The following DYNC2H1 variants were observed in gnomAD, a reference collection of about 807,000 sequenced individuals.
DYNC2H1 encodes the protein cytoplasmic dynein 2 heavy chain 1.
DYNC2H1 carries 410 observed loss-of-function variants against 570.0 expected under a neutral mutation model. The observed-to-expected ratio is 0.72, with a 90% CI of 0.66 to 0.78. The LOEUF is 0.78. Ranked by LOEUF, DYNC2H1 falls within the 30% of genes least tolerant of loss-of-function variation. The pLI is 0.00. For synonymous variants in DYNC2H1, 1,688 were observed against 1,677.6 expected (o/e 1.01, Z -0.15); for missense variants, 4,865 against 5,046.4 (o/e 0.96, Z 1.09).
Position 103,184,923 on chromosome 11 carries a change from G to T in DYNC2H1, c.6505G>T (p.Val2169Phe). The change falls in exon 41 of 89, where the codon GTT (valine) becomes TTT (phenylalanine). Residue 2169 changes from valine to phenylalanine, a missense_variant. Transcript: ENST00000375735. ...TGACTATGTGGTAGAAACAAGTTTGGTTGGGACTGTGATGAATGGTTTGTC... is the reference window on the plus strand; with the variant it reads ...TGACTATGTGGTAGAAACAAGTTTGTTTGGGACTGTGATGAATGGTTTGTC... ...QNDYVVETSL[V>F]GTVMNGLSHL... The T allele has an allele frequency of 6.2e-7, 1 of 1,610,824 alleles. No homozygotes were observed. Among genetic ancestry groups the T allele is most frequent in the Non-Finnish European group, 8.5e-7 (1 of 1,177,798 alleles).
rs1424723729 is a variant in DYNC2H1 at position 103,203,753 on chromosome 11, C to A, written c.8288C>A (p.Pro2763Gln). ...DQASQDGFFG[P>Q]VFNYFTYRIQ... is the part of the protein sequence containing the mutation. ...GCTTCACAAGATGGTTTTTTTGGAC[C>A]AGTCTTCAATTACTTCACATATAGT... is the stretch of plus-strand genomic sequence containing the variant. Residue 2763 changes from proline (P) to glutamine (Q), a missense_variant, in exon 51 of 89, where the codon CCA (proline) becomes CAA (glutamine). By Grantham distance (76) the Pro-to-Gln change is moderately conservative. Coordinates refer to ENST00000375735, the MANE Select transcript of DYNC2H1 (RefSeq NM_001377.3). This position sits in a 1 kb window ranked among gnomAD's most constrained non-coding sequence, Gnocchi z 4.7. 6.2e-7 allele frequency: 1 copy of A among 1,609,850 alleles called. No homozygotes were observed. The highest frequency in any genetic ancestry group is 8.5e-7 in the Non-Finnish European group (1 of 1,178,052).
rs552329056 is a variant in DYNC2H1, at chr11:103,315,451, T to C, written c.11650-1094T>C. On this transcript the variant is annotated intron_variant, in intron 79 of 88. Transcript: ENST00000375735. Reference sequence around the variant, plus strand: ...TTGTATTCTTTCAGTGTTTCACTTATTAAGAATGACATCATCCATCATCAA... The same window carrying C: ...TTGTATTCTTTCAGTGTTTCACTTACTAAGAATGACATCATCCATCATCAA... Among the ~76,000 whole-genome samples the C allele has an allele frequency of 2.5e-3, 383 of 152,250 alleles. 1 individual carries two copies. Among genetic ancestry groups the C allele is most frequent in the South Asian group, 0.016 (78 of 4,826 alleles).
rs1938402584 is a variant in DYNC2H1, at chr11:103,325,059, G to A, written c.12039+1069G>A. Among the ~76,000 whole-genome samples, 1 of 152,034 alleles carries A rather than the reference G, an allele frequency of 6.6e-6. No homozygotes were observed. Among genetic ancestry groups the A allele is most frequent in the Non-Finnish European group, 1.5e-5 (1 of 67,968 alleles). On this transcript the variant is annotated intron_variant, in intron 82 of 88. Transcript: ENST00000375735. The surrounding 1 kb of genome is among the most constrained non-coding windows in gnomAD (Gnocchi z 4.8). ...TTTTTGCCCACTTTTTAATGGGCTT[G>A]TTTGTTTTTTGCTTGTTAATTTCTT...
rs755764054 is a variant in DYNC2H1, at chr11:103,122,914, C to G, written c.1575C>G (p.Asp525Glu). The change falls in exon 11 of 89, where the codon GAC (aspartate) becomes GAG (glutamate). Residue 525 changes from aspartate to glutamate, a missense_variant. This residue lies in a region of DYNC2H1 where 1,936 missense variants were observed against 1,962.1 expected (regional missense o/e 0.99). Coordinates refer to ENST00000375735, the MANE Select transcript of DYNC2H1 (RefSeq NM_001377.3). ...ATCAAAGTGCCAAAGATCTCTTAGACCAGCTTAAACTATATGAACAGGAAC... is the reference window on the plus strand; with the variant it reads ...ATCAAAGTGCCAAAGATCTCTTAGAGCAGCTTAAACTATATGAACAGGAAC... ...CFHQSAKDLL[D>E]QLKLYEQEQF... 6 of 1,612,550 alleles carry G rather than the reference C, an allele frequency of 3.7e-6. No homozygotes were observed. The highest frequency in any genetic ancestry group is 3.4e-6 in the Non-Finnish European group (4 of 1,179,212).
At chr11:103,309,387 G>T (rs1394032541) in intron 78 of DYNC2H1, among the ~76,000 whole-genome samples, 2 of 148,212 alleles carry the variant, frequency 1.3e-5, no homozygotes, top group Non-Finnish European at 3.0e-5. Context: ...GAGAGACGAG[G>T]CCTAACTATG....
intron 47 of DYNC2H1, among the ~76,000 whole-genome samples, chr11:103,196,022 T>G (rs1862495542): frequency 6.6e-6 from 1 of 152,174 alleles, no homozygotes; most frequent in African/African-American, 2.4e-5. Context: ...GAGTATATAG[T>G]GCAGAGAGAG....
At chr11:103,134,617 A>T (rs1859445508) in intron 15 of DYNC2H1, among the ~76,000 whole-genome samples, 198 bp downstream of exon 15, 1 of 152,146 alleles carries the variant, frequency 6.6e-6, no homozygotes, top group South Asian at 2.1e-4. Flanking sequence ...AAAATATAAA[A>T]ATAAGTTCCT....
rs544611009 is a variant in DYNC2H1, at chr11:103,207,389, A to T, written c.8454+2425A>T. On this transcript the variant is annotated intron_variant, in intron 52 of 88. Transcript: ENST00000375735. ...CACAGCAAATGGATCTAGTGTACAA[A>T]TGGAAGAATTAAGGATCGGCATTTC... Among the ~76,000 whole-genome samples the T allele has an allele frequency of 4.4e-4, 67 of 152,256 alleles. 1 individual carries two copies. Among genetic ancestry groups the T allele is most frequent in the African/African-American group, 1.5e-3 (64 of 41,560 alleles).
chr11:103,469,720 A>G (rs1040948771), intron 88 of DYNC2H1, among the ~76,000 whole-genome samples: 4 of 152,180 alleles, frequency 2.6e-5, no homozygotes, highest in Non-Finnish European at 4.4e-5. Context: ...TAGAGTGACT[A>G]TAAGATAAAG....
intron 17 of DYNC2H1, among the ~76,000 whole-genome samples, chr11:103,138,942 G>A (rs1279810476): frequency 1.3e-5 from 2 of 151,848 alleles, no homozygotes; most frequent in African/African-American, 4.8e-5. Flanking sequence ...TTAGTCTTGG[G>A]AGGGTGTATG....
chr11:103,284,503 A>G (rs1271393419), intron 73 of DYNC2H1, among the ~76,000 whole-genome samples: 1 of 152,078 alleles, frequency 6.6e-6, no homozygotes, highest in Non-Finnish European at 1.5e-5. Flanking sequence ...GACAGTATAC[A>G]AGGTAGCCAA....
intron 67 of DYNC2H1, among the ~76,000 whole-genome samples, 179 bp from the exon 68 acceptor site, chr11:103,255,927 A>T (rs956202054): frequency 1.3e-5 from 2 of 152,098 alleles, no homozygotes; most frequent in Non-Finnish European, 2.9e-5. Flanking sequence ...AATTCATTTG[A>T]TATAAGAAGA....
At chr11:103,438,359 C>T (rs555857316) in intron 85 of DYNC2H1, among the ~76,000 whole-genome samples, 54 of 152,172 alleles carry the variant, frequency 3.5e-4, no homozygotes, top group African/African-American at 1.3e-3. Context: ...TCCAGAGCAG[C>T]TTGTGATACT....
intron 84 of DYNC2H1, among the ~76,000 whole-genome samples, chr11:103,426,801 G>C (rs1255585251): frequency 6.6e-6 from 1 of 152,164 alleles, no homozygotes; most frequent in South Asian, 2.1e-4. Flanking sequence ...TTAATGCGCA[G>C]AAATTAGTGC....
At chr11:103,431,542 A>T (rs913857247) in intron 84 of DYNC2H1, among the ~76,000 whole-genome samples, 1 of 152,132 alleles carries the variant, frequency 6.6e-6, no homozygotes, top group African/African-American at 2.4e-5. Context: ...TGCAAAAGTA[A>T]TTGCAGTTTT....
In DYNC2H1 at chr11:103,151,685, G is replaced by A. The variant is rs1162090264; in HGVS notation, c.2947-451G>A. ...ACTTCTTTAGTTGTCTGTTTCTTAA[G>A]TACCTTTTTTCATGACTTTCCTTCT... is the stretch of plus-strand genomic sequence containing the variant. On this transcript the variant is annotated intron_variant, in intron 20 of 88. Transcript: ENST00000375735. The surrounding 1 kb of genome is among the most constrained non-coding windows in gnomAD (Gnocchi z 4.6). Among the ~76,000 whole-genome samples, 1 of 152,114 alleles carries A rather than the reference G, an allele frequency of 6.6e-6. No homozygotes were observed. Among genetic ancestry groups the A allele is most frequent in the African/African-American group, 2.4e-5 (1 of 41,430 alleles).
rs759616491 is a variant in DYNC2H1, at chr11:103,181,870, A to G, written c.6461A>G (p.Gln2154Arg). The G allele has an allele frequency of 6.2e-7, 1 of 1,605,660 alleles. No individual in the cohort carries two copies. The highest frequency in any genetic ancestry group is 8.5e-7 in the Non-Finnish European group (1 of 1,175,134). ...GGAGATTATTTTGAAAAGGCTTTAC[A>G]ATGGGTTCTAAAGCAGGTAAATTAA... ...WIGDYFEKALQWVLKQNDYVV... is the reference protein window; with the variant it reads ...WIGDYFEKALRWVLKQNDYVV... Residue 2154 changes from glutamine (Q) to arginine (R), a missense_variant, in exon 40 of 89, where the codon CAA (glutamine) becomes CGA (arginine). Gln to Arg is a conservative substitution (Grantham distance 43, BLOSUM62 1). This residue lies in a region of DYNC2H1 where 231 missense variants were observed against 310.3 expected (regional missense o/e 0.74). Transcript: ENST00000375735. This position sits in a 1 kb window ranked among gnomAD's most constrained non-coding sequence, Gnocchi z 5.0.
chr11:103,116,677 T>C lies in DYNC2H1; in HGVS notation c.729T>C (p.Tyr243=). The C allele has an allele frequency of 6.2e-7, 1 of 1,606,062 alleles. No individual in the cohort carries two copies. The highest frequency in any genetic ancestry group is 8.5e-7 in the Non-Finnish European group (1 of 1,175,538). ...DVWRQTEHDH[Y]PESRMLHLLD... Reference sequence around the variant, plus strand: ...GGAGACAAACAGAACATGATCATTATCCTGAGTCACGAATGTTGCATCTCT... The same window carrying C: ...GGAGACAAACAGAACATGATCATTACCCTGAGTCACGAATGTTGCATCTCT... The change falls in exon 5 of 89, where the codon TAT becomes TAC. Residue 243 remains tyrosine (Y), a synonymous_variant. Coordinates refer to ENST00000375735, the MANE Select transcript of DYNC2H1 (RefSeq NM_001377.3).
chr11:103,404,844 A>T (rs945568820), intron 84 of DYNC2H1: 7 of 151,842 alleles, frequency 4.6e-5, no homozygotes, highest in African/African-American at 1.7e-4. Context: ...ATATTGCAGG[A>T]GATCATTTGA....
Sources: gnomAD v4.1 joint callset for allele counts (sites outside exome capture counted in the v4.1 genomes callset) on GRCh38, gnomAD v4.1.1 for gene constraint, gnomAD v4.1.1 regional missense constraint, Gnocchi (gnomAD v3.1) non-coding constraint, MANE v1.5 for transcripts, NCBI Gene and HGNC (gene_info 2026-07-23, HGNC 2026-07-21) for gene names.